ERBB4: variants seen among roughly 807,000 people sequenced by gnomAD.
ERBB4 encodes erb-b2 receptor tyrosine kinase 4.
Under a neutral mutation model 158.0 loss-of-function variants are expected in ERBB4, and 42 were observed. That is an observed-to-expected ratio of 0.27 (90% CI 0.21 to 0.34). The LOEUF is 0.34. Ranked by LOEUF, ERBB4 falls within the 10% of genes least tolerant of loss-of-function variation. The pLI, the probability that ERBB4 is intolerant of heterozygous loss-of-function variation, is 1.00. For missense variants in ERBB4, 1,333 were observed against 1,624.1 expected (o/e 0.82, Z 3.08); for synonymous variants, 583 against 558.7 (o/e 1.04, Z -0.61).
At chr2:211,690,766 A>G (rs886598319) in intron 12 of ERBB4, among the ~76,000 whole-genome samples, 1 of 152,202 alleles carries the variant, frequency 6.6e-6, no homozygotes, top group Non-Finnish European at 1.5e-5. Context: ...CTGCAGTGAT[A>G]GTCATGAGTG....
At chr2:211,576,083 T>G (rs2067882837) in intron 19 of ERBB4, among the ~76,000 whole-genome samples, 1 of 105,084 alleles carries the variant, frequency 9.5e-6, no homozygotes, top group Admixed American at 1.3e-4. Context: ...AAATCTGCGT[T>G]AATGTTATTT....
intron 25 of ERBB4, among the ~76,000 whole-genome samples, chr2:211,415,107 CTTTTTTTTTTTTTT>C (rs71047175): frequency 1.4e-5 from 1 of 72,506 alleles, no homozygotes; most frequent in Non-Finnish European, 2.5e-5. Context: ...CTTACATTTT[CTTTTTTTTTTTTTT>C]TTTTTTTTTT....
At chr2:212,113,454 G>C (rs1048215957) in intron 2 of ERBB4, among the ~76,000 whole-genome samples, 1 of 151,610 alleles carries the variant, frequency 6.6e-6, no homozygotes, top group African/African-American at 2.4e-5. Context: ...GATGCCTGCA[G>C]TCCCAGCTAC....
intron 1 of ERBB4, among the ~76,000 whole-genome samples, chr2:212,253,047 G>A (rs375332597): frequency 9.2e-5 from 14 of 152,142 alleles, no homozygotes; most frequent in Admixed American, 2.0e-4. Context: ...GAGAAAAGTC[G>A]TCAGTTATAT....
chr2:211,712,385 C>T (rs548166420), intron 8 of ERBB4, among the ~76,000 whole-genome samples: 18 of 152,094 alleles, frequency 1.2e-4, no homozygotes, highest in Non-Finnish European at 2.1e-4. Context: ...GCATTAAAAT[C>T]GAATGACGAT....
intron 16 of ERBB4, among the ~76,000 whole-genome samples, chr2:211,654,425 T>C (rs370368649): frequency 2.0e-5 from 3 of 152,346 alleles, no homozygotes; most frequent in African/African-American, 7.2e-5. Flanking sequence ...ACTATTGCTA[T>C]GAATTATTTT....
intron 1 of ERBB4, among the ~76,000 whole-genome samples, chr2:212,488,659 G>A (rs1416063365): frequency 4.0e-5 from 6 of 151,756 alleles, no homozygotes; most frequent in African/African-American, 1.5e-4. Context: ...CAAATGAACA[G>A]TAAGTTTGGA....
intron 2 of ERBB4, among the ~76,000 whole-genome samples, chr2:212,092,664 G>A (rs2078813725): frequency 6.6e-6 from 1 of 152,168 alleles, no homozygotes; most frequent in African/African-American, 2.4e-5. Flanking sequence ...TTGTTGATTA[G>A]ATGGTTGAAT....
chr2:211,389,128 C>T (rs751401405), intron 25 of ERBB4, among the ~76,000 whole-genome samples: 18 of 152,268 alleles, frequency 1.2e-4, no homozygotes, highest in African/African-American at 4.1e-4. Flanking sequence ...CTCCGCCTCC[C>T]GGGTTCACGC....
chr2:212,232,704 G>A (rs752777497), intron 1 of ERBB4, among the ~76,000 whole-genome samples: 5 of 152,074 alleles, frequency 3.3e-5, no homozygotes, highest in East Asian at 1.9e-4. Flanking sequence ...CACCACACCC[G>A]GCCGGGAGTA....
chr2:212,248,539 T>C (rs769045692), intron 1 of ERBB4, among the ~76,000 whole-genome samples: 1 of 151,794 alleles, frequency 6.6e-6, no homozygotes, highest in Non-Finnish European at 1.5e-5. Context: ...AACAAAGGCA[T>C]CTACCTATGC....
chr2:211,582,262 T>C (rs2068127498), intron 19 of ERBB4, among the ~76,000 whole-genome samples: 1 of 152,218 alleles, frequency 6.6e-6, no homozygotes, highest in Admixed American at 6.5e-5. Context: ...AGGACATTAA[T>C]TGTTATTGCT....
chr2:211,625,543 T>C (rs2125861821), intron 17 of ERBB4, among the ~76,000 whole-genome samples: 1 of 152,314 alleles, frequency 6.6e-6, no homozygotes, highest in East Asian at 1.9e-4. Context: ...AATTTCATTT[T>C]CAAATTTAAG....
chr2:212,465,770 T>C (rs949903105), intron 1 of ERBB4, among the ~76,000 whole-genome samples: 8 of 152,198 alleles, frequency 5.3e-5, no homozygotes, highest in African/African-American at 1.9e-4. Context: ...TGGCTATGTG[T>C]CTCAAATATT....
At chr2:212,020,622 T>C (rs1229612563) in intron 2 of ERBB4, among the ~76,000 whole-genome samples, 2 of 152,124 alleles carry the variant, frequency 1.3e-5, no homozygotes, top group African/African-American at 2.4e-5. Flanking sequence ...TCAAGCTATT[T>C]AAGGTTTTTA....
intron 20 of ERBB4, among the ~76,000 whole-genome samples, chr2:211,446,817 ATTTAT>A (rs2064123197): frequency 6.6e-6 from 1 of 152,116 alleles, no homozygotes; most frequent in Non-Finnish European, 1.5e-5. Context: ...TATTTGATTT[ATTTAT>A]TTTAACAATT....
At chr2:212,129,147 T>C (rs905659573) in intron 1 of ERBB4, among the ~76,000 whole-genome samples, 1 of 151,896 alleles carries the variant, frequency 6.6e-6, no homozygotes, top group African/African-American at 2.4e-5. Context: ...GCACCATTTC[T>C]AAAGTATATC....
At chr2:212,052,211 T>C (rs1476220973) in intron 2 of ERBB4, among the ~76,000 whole-genome samples, 1 of 152,182 alleles carries the variant, frequency 6.6e-6, no homozygotes, top group Non-Finnish European at 1.5e-5. Flanking sequence ...ATGCTGGTTG[T>C]TTCCTGCCCT....
chr2:212,317,587 AAT>A, intron 1 of ERBB4, among the ~76,000 whole-genome samples: 1 of 151,626 alleles, frequency 6.6e-6, no homozygotes, highest in East Asian at 1.9e-4. Flanking sequence ...ATATAGCCAA[AAT>A]ATGTATTTCA....
Sources: allele counts gnomAD v4.1 joint callset (sites outside exome capture counted in the v4.1 genomes callset), GRCh38; gene constraint gnomAD v4.1.1; transcripts MANE v1.5; gene names NCBI Gene and HGNC (gene_info 2026-07-23, HGNC 2026-07-21).